Variants in SKI observed in about 807,000 individuals in gnomAD.
SKI encodes the protein ski oncogene.
A neutral mutation model predicts 59.3 loss-of-function variants in SKI; 23 were observed. That is an observed-to-expected ratio of 0.39 (90% CI 0.28 to 0.55). SKI has a LOEUF of 0.55. Among genes scored for constraint, SKI ranks in the 20% least tolerant of loss-of-function variants. The pLI, the probability that SKI is intolerant of heterozygous loss-of-function variation, is 0.67. For missense variants in SKI, 1,017 were observed against 1,038.9 expected (o/e 0.98, Z 0.29); for synonymous variants, 673 against 488.6 (o/e 1.38, Z -4.98).
At position 2,288,081 on chromosome 1, in the gene SKI, C is replaced by T. The variant is rs528066983; in HGVS notation, c.970-14897C>T. On this transcript the variant is annotated intron_variant, in intron 1 of 6. Transcript: ENST00000378536. Reference sequence around the variant, plus strand: ...TCGGCTCACCCCAACCTCCACCTCCCGGGTTCAAGTGATTCTCCTGCCTCA... The same window carrying T: ...TCGGCTCACCCCAACCTCCACCTCCTGGGTTCAAGTGATTCTCCTGCCTCA... 7.8e-4 allele frequency among the ~76,000 whole-genome samples: 119 copies of T among 152,254 alleles called. 1 individual carries two copies. Among genetic ancestry groups the T allele is most frequent in the South Asian group, 4.6e-3 (22 of 4,820 alleles).
At chr1:2,288,121 T>C (rs185570377) in intron 1 of SKI, among the ~76,000 whole-genome samples, 181 of 152,296 alleles carry the variant, frequency 1.2e-3, no homozygotes, top group African/African-American at 4.2e-3. Context: ...CCCAAGTAGC[T>C]GGGATCACAG....
In SKI at chr1:2,270,200, C is replaced by T. The variant is rs976121987; in HGVS notation, c.970-32778C>T. Among the ~76,000 whole-genome samples the T allele has an allele frequency of 6.6e-6, 1 of 152,166 alleles. No individual in the cohort carries two copies. Among genetic ancestry groups the T allele is most frequent in the African/African-American group, 2.4e-5 (1 of 41,442 alleles). The stretch of plus-strand genomic sequence containing the variant: ...GAGAGGGACAGAGGTCATCTGTCTA[C>T]GAGCTAGAGCAAGGGCAGGTGGGCC... On this transcript the variant is annotated intron_variant, in intron 1 of 6. Transcript: ENST00000378536. This position sits in a 1 kb window ranked among gnomAD's most constrained non-coding sequence, Gnocchi z 4.1.
chr1:2,306,963 A>T lies in SKI; in HGVS notation c.*198A>T. ...TTCTACTGGCCAAGTTCAAGTGAGT[A>T]AGCCGCGTCCCCCAACTACAGCTGG... is the stretch of plus-strand genomic sequence containing the variant. On this transcript the variant is annotated 3_prime_UTR_variant, in exon 7 of 7. Coordinates refer to ENST00000378536, the MANE Select transcript of SKI (RefSeq NM_003036.4). The T allele has an allele frequency of 2.9e-6, 1 of 340,888 alleles. No homozygotes were observed. Among genetic ancestry groups the T allele is most frequent in the Non-Finnish European group, 5.2e-6 (1 of 191,796 alleles). 21.1% of individuals were successfully genotyped at this position (340,888 alleles called of 1,614,324 possible).
chr1:2,300,128 G>T (rs1809823), intron 1 of SKI, among the ~76,000 whole-genome samples: 56,504 of 152,176 alleles, frequency 0.37, 12,556 homozygotes, highest in Middle Eastern at 0.52. Context: ...AAGCTCACAC[G>T]CGTTGCCCGG....
At chr1:2,251,705 G>A (rs866281232) in intron 1 of SKI, among the ~76,000 whole-genome samples, 2 of 152,270 alleles carry the variant, frequency 1.3e-5, no homozygotes, top group African/African-American at 4.8e-5. Flanking sequence ...CCCAATGTAT[G>A]TGATAGGTTC....
chr1:2,236,028 T>TA lies in SKI; in HGVS notation c.969+6293_969+6294insA, dbSNP rs1459911508. Among the ~76,000 whole-genome samples, 3 of 152,360 alleles carry TA rather than the reference T, an allele frequency of 2.0e-5. No individual in the cohort carries two copies. In the East Asian group the frequency reaches 5.8e-4, roughly 29 times the overall value. On this transcript the variant is annotated intron_variant, in intron 1 of 6. Transcript: ENST00000378536. ...TGTTCGGTGCTTGGTGTTCGTGTCT[T>TA]CTCTGATTTTACCTTTTTGACTCAT... is the stretch of plus-strand genomic sequence containing the variant.
intron 1 of SKI, among the ~76,000 whole-genome samples, chr1:2,246,104 T>C (rs1638989079): frequency 2.0e-5 from 3 of 152,238 alleles, no homozygotes; most frequent in South Asian, 4.1e-4. Context: ...CCCGTTTTTC[T>C]TTTTAAAGAA....
At chr1:2,265,079 T>G (rs1449004711) in intron 1 of SKI, among the ~76,000 whole-genome samples, 2 of 152,230 alleles carry the variant, frequency 1.3e-5, no homozygotes, top group Non-Finnish European at 2.9e-5. Context: ...GCCAAAGTGC[T>G]GGGATTACAG....
rs1638547862 is a variant in SKI at position 2,228,337 on chromosome 1, G to C, written c.-430G>C. 7.0e-6 allele frequency among the ~76,000 whole-genome samples: 1 copy of C among 142,174 alleles called. No individual in the cohort carries two copies. The highest frequency in any genetic ancestry group is 2.1e-4 in the East Asian group (1 of 4,740). 93.3% of individuals were successfully genotyped at this position (142,174 alleles called of 152,430 possible). ...CGCCCCCGCTCCTCCCGGGCCCCTC[G>C]GCCTCGGCCGCCGCGGCGATTCGCG... On this transcript the variant is annotated 5_prime_UTR_variant, in exon 1 of 7. Coordinates refer to ENST00000378536, the MANE Select transcript of SKI (RefSeq NM_003036.4).
At chr1:2,241,970 T>TGTGC (rs991745738) in intron 1 of SKI, among the ~76,000 whole-genome samples, 1 of 151,762 alleles carries the variant, frequency 6.6e-6, no homozygotes, top group African/African-American at 2.4e-5. Context: ...TGTGTGTGTG[T>TGTGC]GCCTGTGTGT....
At chr1:2,255,298 T>C (rs1639249893) in intron 1 of SKI, among the ~76,000 whole-genome samples, 1 of 152,018 alleles carries the variant, frequency 6.6e-6, no homozygotes, top group Admixed American at 6.5e-5. Context: ...TGCTTAGACC[T>C]GTACCTGCCA....
chr1:2,264,261 GTTTAA>G (rs747955452), intron 1 of SKI, among the ~76,000 whole-genome samples: 36 of 152,116 alleles, frequency 2.4e-4, no homozygotes, highest in South Asian at 1.7e-3. Context: ...TTTTTTTGTG[GTTTAA>G]TTTAATTTAA....
intron 1 of SKI, among the ~76,000 whole-genome samples, chr1:2,238,302 T>A (rs1638795154): frequency 6.6e-6 from 1 of 152,220 alleles, no homozygotes; most frequent in Non-Finnish European, 1.5e-5. Flanking sequence ...CCTCTTTTTT[T>A]ATGGTTTCCC....
chr1:2,299,951 C>T (rs1414595578), intron 1 of SKI, among the ~76,000 whole-genome samples: 1 of 152,172 alleles, frequency 6.6e-6, no homozygotes, highest in Non-Finnish European at 1.5e-5. Context: ...CCTCGGCAGG[C>T]ATCCACTGCT....
chr1:2,252,861 G>A (rs543728774), intron 1 of SKI, among the ~76,000 whole-genome samples: 4 of 152,236 alleles, frequency 2.6e-5, no homozygotes, highest in Non-Finnish European at 5.9e-5. Context: ...TTTGGAGTTG[G>A]CGATGGGCAG....
Position 2,229,014 on chromosome 1 carries a change from C to G in SKI, c.248C>G (p.Pro83Arg). 1.3e-6 allele frequency: 2 copies of G among 1,586,320 alleles called. No individual in the cohort carries two copies. The highest frequency in any genetic ancestry group is 1.7e-6 in the Non-Finnish European group (2 of 1,172,774). ...VLHLPAIQPPPPVLPGPFFMP... is the reference protein window; with the variant it reads ...VLHLPAIQPPRPVLPGPFFMP... ...CACCTGCCCGCCATCCAGCCGCCGC[C>G]GCCCGTGCTGCCCGGGCCCTTCTTC... The change falls in exon 1 of 7, where the codon CCG becomes CGG. Residue 83 changes from proline to arginine, a missense_variant. By Grantham distance (103) the Pro-to-Arg change is moderately radical. Transcript: ENST00000378536. The surrounding 1 kb of genome is among the most constrained non-coding windows in gnomAD (Gnocchi z 6.3).
chr1:2,271,638 A>G (rs545798946), intron 1 of SKI, among the ~76,000 whole-genome samples: 134 of 151,796 alleles, frequency 8.8e-4, no homozygotes, highest in African/African-American at 3.1e-3. Context: ...CCTTTGTCCC[A>G]TTGAGCCCCG....
In SKI at chr1:2,307,600, C is replaced by G. The variant is rs528280335; in HGVS notation, c.*835C>G. ...CCTCCGGGCACACGTGCCGCCTGAC[C>G]GGGCGACCCTTTTCAGTTCGGCAAA... On this transcript the variant is annotated 3_prime_UTR_variant, in exon 7 of 7. Transcript: ENST00000378536. 6.6e-6 allele frequency: 1 copy of G among 152,516 alleles called. No homozygotes were observed. The highest frequency in any genetic ancestry group is 1.5e-5 in the Non-Finnish European group (1 of 68,052). The allele number at this position is 152,516 out of a possible 1,614,324, so 9.4% of individuals were successfully genotyped here.
Position 2,302,995 on chromosome 1 carries a change from G to A in SKI, c.987G>A (p.Pro329=), listed in dbSNP as rs780855223. 6.8e-6 allele frequency: 11 copies of A among 1,613,614 alleles called. No individual in the cohort carries two copies. Among genetic ancestry groups the A allele is most frequent in the Non-Finnish European group, 5.9e-6 (7 of 1,180,014 alleles). ...GATCGCAGGTCTCCTCTGAGCCTCC[G>A]GCCTCCATAAGACCCAAAACAGATG... ...RRVPRVSSEP[P]ASIRPKTDDT... The change falls in exon 2 of 7, where the codon CCG becomes CCA. Residue 329 remains proline, a synonymous_variant. Coordinates refer to ENST00000378536, the MANE Select transcript of SKI (RefSeq NM_003036.4).
Sources: gnomAD v4.1 joint callset for allele counts (sites outside exome capture counted in the v4.1 genomes callset) on GRCh38, gnomAD v4.1.1 for gene constraint, Gnocchi (gnomAD v3.1) non-coding constraint, MANE v1.5 for transcripts, NCBI Gene and HGNC (gene_info 2026-07-23, HGNC 2026-07-21) for gene names.